The following ELMO1 variants were observed in gnomAD, a reference collection of about 807,000 sequenced individuals.
ELMO1 encodes engulfment and cell motility 1.
ELMO1 carries 26 observed loss-of-function variants against 98.9 expected under a neutral mutation model. The observed-to-expected ratio is 0.26, with a 90% CI of 0.19 to 0.36. ELMO1 has a LOEUF of 0.36. Among genes scored for constraint, ELMO1 ranks in the 10% least tolerant of loss-of-function variants. The probability of loss-of-function intolerance (pLI) is 1.00; values close to 1 mark genes in which losing one functional copy is unlikely to be tolerated. For synonymous variants in ELMO1, 346 were observed against 346.0 expected (o/e 1.00, Z 0.00); for missense variants, 627 against 935.2 (o/e 0.67, Z 4.30).
At chr7:37,065,222 C>T (rs1796892274) in intron 15 of ELMO1, among the ~76,000 whole-genome samples, 2 of 151,830 alleles carry the variant, frequency 1.3e-5, no homozygotes, top group African/African-American at 2.4e-5. Context: ...CTATGTTGCC[C>T]AGGCTGGTCT....
chr7:36,886,268 C>G (rs554290981), intron 18 of ELMO1, among the ~76,000 whole-genome samples: 8 of 152,306 alleles, frequency 5.3e-5, no homozygotes, highest in Non-Finnish European at 8.8e-5. Flanking sequence ...GAAATTCACT[C>G]TAAGAGCTTC....
intron 1 of ELMO1, among the ~76,000 whole-genome samples, chr7:37,407,826 A>G (rs1243505494): frequency 2.0e-5 from 3 of 152,212 alleles, no homozygotes; most frequent in Non-Finnish European, 2.9e-5. Context: ...ATGAACTTCA[A>G]TGAATAATAA....
intron 14 of ELMO1, among the ~76,000 whole-genome samples, chr7:37,108,069 A>G (rs1785039422): frequency 6.6e-6 from 1 of 152,250 alleles, no homozygotes; most frequent in Non-Finnish European, 1.5e-5. Flanking sequence ...CAATGAAAAA[A>G]TTGACTGAAA....
Position 36,870,345 on chromosome 7 carries a change from G to T in ELMO1, c.1905+48C>A. 2 of 1,587,818 alleles carry T rather than the reference G, an allele frequency of 1.3e-6. No homozygotes were observed. The highest frequency in any genetic ancestry group is 1.1e-5 in the South Asian group (1 of 90,136). On this transcript the variant is annotated intron_variant, in intron 20 of 21. Transcript: ENST00000310758. The surrounding 1 kb of genome is among the most constrained non-coding windows in gnomAD (Gnocchi z 4.4). Reference sequence around the variant, plus strand: ...GAGGGCTAGGCTGGCTGCAGTTGCCGACCGCACTGGGCAAATAGAGCTATT... The same window carrying T: ...GAGGGCTAGGCTGGCTGCAGTTGCCTACCGCACTGGGCAAATAGAGCTATT...
At chr7:37,205,988 G>A (rs1446739518) in intron 13 of ELMO1, among the ~76,000 whole-genome samples, 1 of 152,098 alleles carries the variant, frequency 6.6e-6, no homozygotes, top group Non-Finnish European at 1.5e-5. Flanking sequence ...ATGACCTGCA[G>A]TTTCCCAAGC....
intron 15 of ELMO1, among the ~76,000 whole-genome samples, chr7:37,032,457 A>C (rs373686802): frequency 2.0e-5 from 3 of 152,180 alleles, no homozygotes; most frequent in Admixed American, 6.5e-5. Flanking sequence ...CAGTTGATGG[A>C]AAGGAGGGAT....
intron 1 of ELMO1, among the ~76,000 whole-genome samples, chr7:37,379,512 C>T (rs944111878): frequency 2.0e-5 from 3 of 152,202 alleles, no homozygotes; most frequent in Non-Finnish European, 2.9e-5. Context: ...CCATGCCTCA[C>T]CATTCCACCT....
intron 19 of ELMO1, among the ~76,000 whole-genome samples, chr7:36,872,968 A>G (rs1221916915): frequency 6.6e-6 from 1 of 152,196 alleles, no homozygotes; most frequent in Non-Finnish European, 1.5e-5. Context: ...GGACAAGAGT[A>G]ATACCATAGT....
chr7:36,964,269 T>G (rs1789215397), intron 16 of ELMO1, among the ~76,000 whole-genome samples: 1 of 152,228 alleles, frequency 6.6e-6, no homozygotes, highest in South Asian at 2.1e-4. Context: ...AAGTTGAAAA[T>G]TCACGTAATG....
Position 37,365,929 on chromosome 7 carries a change from A to T in ELMO1, c.-73-23166T>A, listed in dbSNP as rs1039320651. ...ATATGTATTGTAGAACCTACTAAAG[A>T]GTACAGCCACTACATTAATAAGAAA... On this transcript the variant is annotated intron_variant, in intron 1 of 21. Transcript: ENST00000310758. 2.0e-5 allele frequency among the ~76,000 whole-genome samples: 3 copies of T among 152,258 alleles called. No homozygotes were observed. In the South Asian group the frequency reaches 6.2e-4, roughly 31 times the overall value.
rs570725054 is a variant in ELMO1, at chr7:37,276,503, C to T, written c.193-4621G>A. On this transcript the variant is annotated intron_variant, in intron 4 of 21. Transcript: ENST00000310758. ...GCAGGCGCCTGTAGTCCCAGCTACT[C>T]GGGAGGCTGAGGCAGGAGAATGGCG... 5.9e-5 allele frequency among the ~76,000 whole-genome samples: 9 copies of T among 152,118 alleles called. No individual in the cohort carries two copies. The East Asian group carries it at 1.4e-3, about 23-fold the overall frequency.
At position 36,949,719 on chromosome 7, in the gene ELMO1, A is replaced by G. The variant is rs1479721789; in HGVS notation, c.1438-54702T>C. Among the ~76,000 whole-genome samples the G allele has an allele frequency of 5.3e-5, 8 of 150,896 alleles. No individual in the cohort carries two copies. In the South Asian group the frequency reaches 1.5e-3, roughly 28 times the overall value. ...GACATTGCCAACTCCCCTCATCCCC[A>G]TGGCAAATCCTTCCTGTTCACTGTA... On this transcript the variant is annotated intron_variant, in intron 16 of 21. Transcript: ENST00000310758.
intron 5 of ELMO1, among the ~76,000 whole-genome samples, chr7:37,268,652 C>G (rs773219636): frequency 6.6e-6 from 1 of 152,152 alleles, no homozygotes; most frequent in Non-Finnish European, 1.5e-5. Context: ...TAGAAAGATA[C>G]GCTTGTTTAA....
intron 1 of ELMO1, among the ~76,000 whole-genome samples, chr7:37,440,556 G>A (rs4720248): frequency 0.31 from 46,510 of 151,662 alleles, 7,380 homozygotes; most frequent in Admixed American, 0.39. Context: ...GGATCACGAG[G>A]TCAGGAGTTT....
At chr7:37,028,748 G>A (rs1039115800) in intron 15 of ELMO1, among the ~76,000 whole-genome samples, 9 of 152,038 alleles carry the variant, frequency 5.9e-5, no homozygotes, top group East Asian at 1.9e-4. Flanking sequence ...ACACCTAGCC[G>A]ATTCTTTATT....
intron 14 of ELMO1, 92 bp from the exon 15 acceptor site, chr7:37,096,819 T>C: frequency 8.6e-7 from 1 of 1,168,474 alleles, no homozygotes; most frequent in Non-Finnish European, 1.3e-6. Context: ...AATACATAGA[T>C]CCACTTCAGA....
chr7:37,353,627 G>A (rs1480349946), intron 1 of ELMO1: 1 of 152,134 alleles, frequency 6.6e-6, no homozygotes, highest in Non-Finnish European at 1.5e-5. Flanking sequence ...GCGTGGAAGG[G>A]GACCCAGGTT....
intron 13 of ELMO1, among the ~76,000 whole-genome samples, chr7:37,200,244 A>ATT (rs373030810): frequency 0.084 from 11,540 of 137,492 alleles, 1,640 homozygotes; most frequent in African/African-American, 0.28. Context: ...AAGCTAATTA[A>ATT]TTTTTTTTTT....
chr7:36,876,681 C>T (rs906055916), intron 19 of ELMO1, among the ~76,000 whole-genome samples: 2 of 152,040 alleles, frequency 1.3e-5, no homozygotes, highest in African/African-American at 4.8e-5. Context: ...TTTAGAGAAC[C>T]GCTGGTCTAG....
Sources: allele counts gnomAD v4.1 joint callset (sites outside exome capture counted in the v4.1 genomes callset), GRCh38; gene constraint gnomAD v4.1.1; non-coding constraint Gnocchi (gnomAD v3.1); transcripts MANE v1.5; gene names NCBI Gene and HGNC (gene_info 2026-07-23, HGNC 2026-07-21).